The following SH2B2 variants were observed in gnomAD, a reference collection of about 807,000 sequenced individuals.
The protein encoded by SH2B2 is SH2B adapter protein 2.
In SH2B2, 37 loss-of-function variants were observed where a neutral mutation model predicts 35.7. That is an observed-to-expected ratio of 1.04 (90% CI 0.80 to 1.36). The LOEUF (loss-of-function observed/expected upper bound fraction) is 1.36, where lower values mean the gene tolerates loss of function less well. Among genes scored for constraint, SH2B2 ranks in the 40% most tolerant of loss-of-function variants. SH2B2 has a pLI of 0.00. For synonymous variants in SH2B2, 383 were observed against 376.4 expected (o/e 1.02, Z -0.20); for missense variants, 852 against 817.7 (o/e 1.04, Z -0.51).
chr7:102,286,894 C>G lies in SH2B2; in HGVS notation c.-230C>G, dbSNP rs1554550962. 1.4e-5 allele frequency: 2 copies of G among 146,596 alleles called. No homozygotes were observed. Among genetic ancestry groups the G allele is most frequent in the Admixed American group, 1.3e-4 (2 of 14,828 alleles). The allele number at this position is 146,596 out of a possible 1,614,324, so 9.1% of individuals were successfully genotyped here. A position where few individuals can be genotyped will look rare whatever the true frequency, so the allele number is the denominator to read the frequency against. On this transcript the variant is annotated 5_prime_UTR_variant, in exon 1 of 9. Transcript: ENST00000444095. ...CGCCGCGCTGGGGCTGGGCTTGGAG[C>G]GCGCGGAGCTCGGCTGCCAGAGAGC...
intron 7 of SH2B2, among the ~76,000 whole-genome samples, chr7:102,318,212 C>T (rs1246453322): frequency 1.3e-5 from 2 of 152,124 alleles, no homozygotes; most frequent in Admixed American, 6.5e-5. Context: ...AATCTCAGCT[C>T]ATTGCAACCT....
intron 4 of SH2B2, among the ~76,000 whole-genome samples, chr7:102,313,613 A>T (rs984147686): frequency 1.0e-3 from 154 of 152,164 alleles, no homozygotes; most frequent in African/African-American, 3.5e-3. Flanking sequence ...ACAAGTTTTT[A>T]CATAGAATAT....
intron 1 of SH2B2, chr7:102,293,198 C>CTTTTTTTTTTTTTTTT (rs34138991): frequency 2.0e-5 from 1 of 50,100 alleles, no homozygotes; most frequent in African/African-American, 9.3e-5. Context: ...TGAAGACCGG[C>CTTTTTTTTTTTTTTTT]TTTTTTTTTT....
At chr7:102,309,355 CTTTTTTTT>C (rs35826295) in intron 4 of SH2B2, 11 of 183,120 alleles carry the variant, frequency 6.0e-5, no homozygotes, top group East Asian at 3.5e-4. Context: ...CTCTCTCTCT[CTTTTTTTT>C]TTTTTTTTTT....
At chr7:102,319,171 T>C (rs1793964543) in intron 7 of SH2B2, among the ~76,000 whole-genome samples, 1 of 152,180 alleles carries the variant, frequency 6.6e-6, no homozygotes, top group Non-Finnish European at 1.5e-5. Context: ...CTTCACAGAA[T>C]AAATGTCTGG....
chr7:102,301,183 C>A lies in SH2B2; in HGVS notation c.633C>A (p.Gly211=). The A allele has an allele frequency of 6.3e-7, 1 of 1,582,902 alleles. No individual in the cohort carries two copies. The highest frequency in any genetic ancestry group is 2.4e-5 in the East Asian group (1 of 42,330). The stretch of plus-strand genomic sequence containing the variant: ...TGGTGGCCGACGACGCGGCCGCGGG[C>A]TCCGGGGGCTCGGCTCAGTGGCAGA... The part of the protein sequence containing the change: ...RFMVADDAAA[G]SGGSAQWQKC... Residue 211 remains glycine (G), a synonymous_variant, in exon 2 of 9, where the codon GGC becomes GGA. Transcript: ENST00000444095.
intron 4 of SH2B2, among the ~76,000 whole-genome samples, chr7:102,312,340 A>G (rs1793660708): frequency 6.6e-6 from 1 of 152,156 alleles, no homozygotes; most frequent in African/African-American, 2.4e-5. Context: ...ACACCACTGC[A>G]CTCCAGCCTG....
intron 2 of SH2B2, among the ~76,000 whole-genome samples, chr7:102,302,400 G>A (rs1793229195): frequency 6.6e-6 from 1 of 152,238 alleles, no homozygotes; most frequent in African/African-American, 2.4e-5. Flanking sequence ...TTCTGGCCAG[G>A]GGGATGCCAG....
rs1404995812 is a variant in SH2B2 at position 102,321,533 on chromosome 7, G to A, written c.1802G>A (p.Arg601His). 4 of 1,144,200 alleles carry A rather than the reference G, an allele frequency of 3.5e-6. No individual in the cohort carries two copies. Among genetic ancestry groups the A allele is most frequent in the African/African-American group, 1.6e-5 (1 of 60,712 alleles). The allele number at this position is 1,144,200 out of a possible 1,614,324, so 70.9% of individuals were successfully genotyped here. The change falls in exon 9 of 9, where the codon CGC (arginine) becomes CAC (histidine). Residue 601 changes from arginine (R) to histidine (H), a missense_variant. By Grantham distance (29) the Arg-to-His change is conservative. Around this residue, in one of 3 missense-constraint regions of SH2B2, gnomAD observed 556 missense variants for 514.5 expected, o/e 1.08. Coordinates refer to ENST00000444095, the MANE Select transcript of SH2B2 (RefSeq NM_001359228.2). ...CGGAGCCGCAGCAACAGCGCCGAGC[G>A]CCTGCTGGAGGCCGTGGCCGCCACC... ...SARSRSNSAE[R>H]LLEAVAATAA... is the part of the protein sequence containing the mutation.
rs376347437 is a variant in SH2B2 at position 102,304,484 on chromosome 7, G to A, written c.730-2237G>A. ...TGCAAATCTTACTGGGGTGAGCCCC[G>A]GAGGAAAAGCTTGGGCTACCTAAGT... On this transcript the variant is annotated intron_variant, in intron 2 of 8. Coordinates refer to ENST00000444095, the MANE Select transcript of SH2B2 (RefSeq NM_001359228.2). 5.9e-5 allele frequency among the ~76,000 whole-genome samples: 9 copies of A among 152,358 alleles called. No homozygotes were observed. In the East Asian group the frequency reaches 9.6e-4, roughly 16 times the overall value.
intron 1 of SH2B2, among the ~76,000 whole-genome samples, chr7:102,291,770 C>T (rs1282232772): frequency 5.3e-5 from 8 of 152,216 alleles, no homozygotes; most frequent in African/African-American, 1.2e-4. Context: ...CCAACGCCCA[C>T]GTATTCAGCA....
chr7:102,303,672 G>A (rs994307396), intron 2 of SH2B2, among the ~76,000 whole-genome samples: 1 of 152,134 alleles, frequency 6.6e-6, no homozygotes, highest in African/African-American at 2.4e-5. Context: ...CCCTAAGCCC[G>A]ACTCCACTCC....
At chr7:102,299,340 A>G (rs1793058113) in intron 1 of SH2B2, among the ~76,000 whole-genome samples, 1 of 150,340 alleles carries the variant, frequency 6.7e-6, no homozygotes, top group Non-Finnish European at 1.5e-5. Flanking sequence ...CTGGGACTAC[A>G]GGCATATGCC....
At position 102,287,020 on chromosome 7, in the gene SH2B2, C is replaced by T. The variant is rs11552019; in HGVS notation, c.-104C>T. 0.022 allele frequency: 3,344 copies of T among 151,206 alleles called. 64 individuals are homozygous for T. Among genetic ancestry groups the T allele is most frequent in the Non-Finnish European group, 0.029 (1,987 of 67,698 alleles). 9.4% of individuals were successfully genotyped at this position (151,206 alleles called of 1,614,324 possible). A position where few individuals can be genotyped will look rare whatever the true frequency, so the allele number is the denominator to read the frequency against. The stretch of plus-strand genomic sequence containing the variant: ...GCCGCGGGCCATGAGCCACCGGGCC[C>T]GGGGAGCCCGGCCGCGGTCCGGGCA... On this transcript the variant is annotated 5_prime_UTR_variant, in exon 1 of 9. Coordinates refer to ENST00000444095, the MANE Select transcript of SH2B2 (RefSeq NM_001359228.2).
intron 1 of SH2B2, chr7:102,293,318 G>C (rs1554552104): frequency 6.6e-6 from 1 of 151,294 alleles, no homozygotes; most frequent in Non-Finnish European, 1.5e-5. Flanking sequence ...TGGTGGCTGG[G>C]GTCTCTTGTC....
At chr7:102,306,689 G>A (rs1793411510) in intron 2 of SH2B2, 32 bp from the exon 3 acceptor site, 1 of 1,489,800 alleles carries the variant, frequency 6.7e-7, no homozygotes, top group Non-Finnish European at 9.2e-7. Context: ...GGAAATGCTG[G>A]GGCCACTCAC....
At chr7:102,306,958 G>A in intron 3 of SH2B2, 136 bp downstream of exon 3, 1 of 695,486 alleles carries the variant, frequency 1.4e-6, no homozygotes, top group African/African-American at 1.8e-5. Context: ...CTGGTGTGGG[G>A]GGTTCCCAGA....
At chr7:102,299,592 G>A (rs1793067364) in intron 1 of SH2B2, among the ~76,000 whole-genome samples, 1 of 152,164 alleles carries the variant, frequency 6.6e-6, no homozygotes, top group African/African-American at 2.4e-5. Context: ...AGCTGCTGGA[G>A]TGCTGCATGC....
At chr7:102,310,955 G>A (rs1793599459) in intron 4 of SH2B2, among the ~76,000 whole-genome samples, 1 of 152,198 alleles carries the variant, frequency 6.6e-6, no homozygotes, top group South Asian at 2.1e-4. Flanking sequence ...GCCCTCAGTG[G>A]GGACTGTCCA....
Sources: gnomAD v4.1 joint callset for allele counts (sites outside exome capture counted in the v4.1 genomes callset) on GRCh38, gnomAD v4.1.1 for gene constraint, gnomAD v4.1.1 regional missense constraint, MANE v1.5 for transcripts, NCBI Gene and HGNC (gene_info 2026-07-23, HGNC 2026-07-21) for gene names.